Variants in SPATA19 observed in about 807,000 individuals in gnomAD.
The protein encoded by SPATA19 is spermatogenesis associated 19.
Under a neutral mutation model 25.0 loss-of-function variants are expected in SPATA19, and 19 were observed. The ratio of observed to expected loss-of-function variants is 0.76; its 90% CI spans 0.53 to 1.11. SPATA19 has a LOEUF of 1.11. Among genes scored for constraint, SPATA19 ranks in the 50% most tolerant of loss-of-function variants. The pLI is 0.00. For synonymous variants in SPATA19, 64 were observed against 69.3 expected (o/e 0.92, Z 0.38); for missense variants, 222 against 211.4 (o/e 1.05, Z -0.31).
At position 133,842,072 on chromosome 11, in the gene SPATA19, G is replaced by T; in HGVS notation, c.471C>A (p.Asp157Glu). ...ISRLTDVSAQ[D>E]FSMRPSSSDC Reference sequence around the variant, plus strand: ...CTGAGGAGGAGGGTCTCATACTGAAGTCCTGAGCTGAGACATCTGTAAGAC... The same window carrying T: ...CTGAGGAGGAGGGTCTCATACTGAATTCCTGAGCTGAGACATCTGTAAGAC... The change falls in exon 6 of 7, where the codon GAC becomes GAA. Residue 157 changes from aspartate (D) to glutamate (E), a missense_variant. Transcript: ENST00000299140. 1 of 1,614,110 alleles carries T rather than the reference G, an allele frequency of 6.2e-7. No individual in the cohort carries two copies. The highest frequency in any genetic ancestry group is 8.5e-7 in the Non-Finnish European group (1 of 1,180,024).
chr11:133,841,436 G>GACAGCC (rs1938307142), intron 6 of SPATA19, among the ~76,000 whole-genome samples: 1 of 152,174 alleles, frequency 6.6e-6, no homozygotes, highest in Non-Finnish European at 1.5e-5. Context: ...CCGCAGGATG[G>GACAGCC]TCAGCACAGC....
At chr11:133,839,626 C>G (rs1372035044), downstream of SPATA19, among the ~76,000 whole-genome samples, 1 of 151,920 alleles carries the variant, frequency 6.6e-6, no homozygotes, top group African/African-American at 2.4e-5. Flanking sequence ...CACATGTATA[C>G]ATATGTAACA....
At chr11:133,845,275 T>G in intron 1 of SPATA19, 85 bp from the exon 2 acceptor site, 1 of 1,352,280 alleles carries the variant, frequency 7.4e-7, no homozygotes, top group Non-Finnish European at 1.0e-6. Flanking sequence ...TTACTCAAAT[T>G]TATTTGTAAG....
intron 5 of SPATA19, 64 bp downstream of exon 5, chr11:133,842,421 C>G: frequency 7.7e-7 from 1 of 1,298,274 alleles, no homozygotes; most frequent in South Asian, 1.2e-5. Flanking sequence ...GGAAACCCAG[C>G]AGTCACCCCC....
At chr11:133,844,799 T>C (rs1354508960) in intron 2 of SPATA19, among the ~76,000 whole-genome samples, 159 bp from the exon 3 acceptor site, 3 of 152,092 alleles carry the variant, frequency 2.0e-5, no homozygotes, top group Non-Finnish European at 4.4e-5. Flanking sequence ...ATAAGCTACT[T>C]CCCTGTAAAG....
At chr11:133,844,422 C>G in intron 3 of SPATA19, 85 bp from the exon 4 acceptor site, 2 of 1,612,006 alleles carry the variant, frequency 1.2e-6, no homozygotes, top group Non-Finnish European at 1.7e-6. Flanking sequence ...GCACCTCACC[C>G]TTGCCCAGAA....
downstream of SPATA19, among the ~76,000 whole-genome samples, chr11:133,836,100 A>C (rs2851118): frequency 0.34 from 52,146 of 152,016 alleles, 9,735 homozygotes; most frequent in East Asian, 0.6. Context: ...ACATGGCCCA[A>C]CCGGCCTCTT....
At chr11:133,841,123 C>A (rs2723607) in intron 6 of SPATA19, among the ~76,000 whole-genome samples, 200 bp from the exon 7 acceptor site, 5 of 151,952 alleles carry the variant, frequency 3.3e-5, no homozygotes, top group Non-Finnish European at 5.9e-5. Flanking sequence ...CAAGACAACC[C>A]TCCAAAGTAG....
chr11:133,842,256 C>A, intron 5 of SPATA19, 151 bp from the exon 6 acceptor site: 1 of 823,364 alleles, frequency 1.2e-6, no homozygotes, highest in South Asian at 1.5e-5. Flanking sequence ...ATGAACAGGC[C>A]CACAGCCTGA....
intron 4 of SPATA19, among the ~76,000 whole-genome samples, chr11:133,843,248 G>A (rs906637883): frequency 4.6e-5 from 7 of 152,144 alleles, no homozygotes; most frequent in African/African-American, 1.7e-4. Context: ...AAGATGATGT[G>A]TGTGTTATCC....
chr11:133,842,091 G>C lies in SPATA19; in HGVS notation c.452C>G (p.Thr151Arg). The C allele has an allele frequency of 6.2e-7, 1 of 1,614,104 alleles. No homozygotes were observed. Among genetic ancestry groups the C allele is most frequent in the Non-Finnish European group, 8.5e-7 (1 of 1,180,038 alleles). The change falls in exon 6 of 7, where the codon ACA becomes AGA. Residue 151 changes from threonine (T) to arginine (R), a missense_variant. Physicochemically the swap from Thr to Arg is moderately conservative, Grantham distance 71. Coordinates refer to ENST00000299140, the MANE Select transcript of SPATA19 (RefSeq NM_174927.3). ...EQVRRSISRL[T>R]DVSAQDFSMR... ...ACTGAAGTCCTGAGCTGAGACATCT[G>C]TAAGACGGGATATGCTGCAGGGGAC... is the stretch of plus-strand genomic sequence containing the variant.
In SPATA19 at chr11:133,845,182, G is replaced by A. The variant is rs757467825; in HGVS notation, c.87C>T (p.Asp29=). The A allele has an allele frequency of 3.3e-5, 53 of 1,613,886 alleles. No individual in the cohort carries two copies. Among genetic ancestry groups the A allele is most frequent in the Non-Finnish European group, 4.2e-5 (49 of 1,179,984 alleles). Residue 29 remains aspartate, a synonymous_variant, in exon 2 of 7, where the codon GAC becomes GAT. Transcript: ENST00000299140. ...CAGACACAGCCTCACTTTCCACAACGTCAATGTCCTGGAACAAATTGGCAA... is the reference window on the plus strand; with the variant it reads ...CAGACACAGCCTCACTTTCCACAACATCAATGTCCTGGAACAAATTGGCAA... ...PFLPITSSDI[D]VVESEAVSVL... is the part of the protein sequence containing the mutation.
chr11:133,840,613 C>T (rs544223757), downstream of SPATA19: 12 of 152,328 alleles, frequency 7.9e-5, no homozygotes, highest in African/African-American at 2.9e-4. Context: ...GCACAGCACC[C>T]CAACCAGCAA....
In SPATA19 at chr11:133,842,108, G is replaced by A. The variant is rs1938321652; in HGVS notation, c.438-3C>T. ...AGACATCTGTAAGACGGGATATGCT[G>A]CAGGGGACAGAGGAGAAGGGCCAGG... is the stretch of plus-strand genomic sequence containing the variant. On this transcript the variant is annotated splice_polypyrimidine_tract_variant and splice_region_variant and intron_variant, in intron 5 of 6. Transcript: ENST00000299140. The A allele has an allele frequency of 1.9e-6, 3 of 1,613,978 alleles. No individual in the cohort carries two copies. The highest frequency in any genetic ancestry group is 2.2e-5 in the East Asian group (1 of 44,876).
downstream of SPATA19, among the ~76,000 whole-genome samples, chr11:133,836,654 A>AG (rs1938218430): frequency 6.6e-6 from 1 of 152,226 alleles, no homozygotes; most frequent in African/African-American, 2.4e-5. Flanking sequence ...ATAGAAATCT[A>AG]GGTTCTCTTC....
intron 3 of SPATA19, 36 bp downstream of exon 3, chr11:133,844,473 C>G: frequency 6.2e-7 from 1 of 1,613,896 alleles, no homozygotes. Context: ...TCTCCCTCAC[C>G]GCTACTCCCA....
At chr11:133,837,249 A>C (rs981678124), downstream of SPATA19, among the ~76,000 whole-genome samples, 1 of 152,352 alleles carries the variant, frequency 6.6e-6, no homozygotes, top group East Asian at 1.9e-4. Context: ...ACTGACCTGA[A>C]GACTGGAAAG....
downstream of SPATA19, among the ~76,000 whole-genome samples, chr11:133,836,672 A>T (rs1938218482): frequency 1.3e-5 from 2 of 152,354 alleles, no homozygotes; most frequent in South Asian, 4.2e-4. Flanking sequence ...TTCTCTGAGT[A>T]AGGCAAGTTC....
At position 133,845,371 on chromosome 11, in the gene SPATA19, A is replaced by C. The variant is rs1359795498; in HGVS notation, c.76T>G (p.Ser26Ala). The change falls in exon 1 of 7, where the codon TCG (serine) becomes GCG (alanine). Residue 26 changes from serine (S) to alanine (A), a missense_variant and splice_region_variant. Physicochemically the swap from Ser to Ala is moderately conservative, Grantham distance 99 (BLOSUM62 1). Coordinates refer to ENST00000299140, the MANE Select transcript of SPATA19 (RefSeq NM_174927.3). ...VGLPFLPITS[S>A]DIDVVESEAV... Reference sequence around the variant, plus strand: ...GTGACTACCACCAAGCTGCTTACCGAACTGGTTATTGGTAGGAAGGGAAGC... The same window carrying C: ...GTGACTACCACCAAGCTGCTTACCGCACTGGTTATTGGTAGGAAGGGAAGC... 3.1e-6 allele frequency: 5 copies of C among 1,611,272 alleles called. No homozygotes were observed.
Sources: gnomAD v4.1 joint callset for allele counts (sites outside exome capture counted in the v4.1 genomes callset) on GRCh38, gnomAD v4.1.1 for gene constraint, MANE v1.5 for transcripts, NCBI Gene and HGNC (gene_info 2026-07-23, HGNC 2026-07-21) for gene names.